PLS1: variants seen among roughly 807,000 people sequenced by gnomAD.
PLS1 encodes plastin 1.
A neutral mutation model predicts 73.7 loss-of-function variants in PLS1; 32 were observed. That is an observed-to-expected ratio of 0.43 (90% CI 0.33 to 0.58). The LOEUF is 0.58. Among genes scored for constraint, PLS1 ranks in the 20% least tolerant of loss-of-function variants. The probability of loss-of-function intolerance (pLI) is 0.04; values close to 1 mark genes in which losing one functional copy is unlikely to be tolerated. For synonymous variants in PLS1, 217 were observed against 261.3 expected (o/e 0.83, Z 1.63); for missense variants, 633 against 740.5 (o/e 0.85, Z 1.68).
intron 14 of PLS1, among the ~76,000 whole-genome samples, chr3:142,708,222 G>A (rs746607543): frequency 4.6e-5 from 7 of 151,924 alleles, no homozygotes; most frequent in Non-Finnish European, 1.0e-4. Context: ...CCACATCACT[G>A]TTTTTCCAGA....
At chr3:142,600,916 A>ATTTTTTTTTTTTTTTT (rs1170933037) in intron 1 of PLS1, among the ~76,000 whole-genome samples, 1 of 14,844 alleles carries the variant, frequency 6.7e-5, no homozygotes, top group Non-Finnish European at 1.1e-4. Flanking sequence ...ATATATATAT[A>ATTTTTTTTTTTTTTTT]TTTTTTTTTT....
chr3:142,630,712 C>G (rs2036539025), intron 1 of PLS1, among the ~76,000 whole-genome samples: 1 of 151,926 alleles, frequency 6.6e-6, no homozygotes, highest in African/African-American at 2.4e-5. Context: ...GATCATGCCA[C>G]TGCTCTCCAG....
intron 5 of PLS1, among the ~76,000 whole-genome samples, chr3:142,677,396 A>C (rs55951550): frequency 0.11 from 16,726 of 152,218 alleles, 938 homozygotes; most frequent in Non-Finnish European, 0.12. Flanking sequence ...CTGTAATCTC[A>C]GCACTTTGAG....
chr3:142,668,460 A>G (rs2037523710), intron 2 of PLS1, among the ~76,000 whole-genome samples: 1 of 152,234 alleles, frequency 6.6e-6, no homozygotes, highest in Non-Finnish European at 1.5e-5. Flanking sequence ...AACGTAGAAC[A>G]CAAATGCCTT....
At chr3:142,596,996 C>CA (rs1245928378) in intron 1 of PLS1, among the ~76,000 whole-genome samples, 2 of 152,102 alleles carry the variant, frequency 1.3e-5, no homozygotes, top group Non-Finnish European at 2.9e-5. Context: ...ATAAAAATGT[C>CA]AGTTTTCAGC....
intron 1 of PLS1, among the ~76,000 whole-genome samples, chr3:142,636,322 T>C (rs2036689681): frequency 6.6e-6 from 1 of 152,176 alleles, no homozygotes; most frequent in African/African-American, 2.4e-5. Context: ...TCAACAAAGA[T>C]GCAAATGCAA....
intron 10 of PLS1, among the ~76,000 whole-genome samples, chr3:142,693,675 G>A (rs889354962): frequency 6.6e-6 from 1 of 152,158 alleles, no homozygotes; most frequent in Non-Finnish European, 1.5e-5. Flanking sequence ...TGCTCACTTT[G>A]TGGTATACTA....
intron 1 of PLS1, among the ~76,000 whole-genome samples, chr3:142,603,471 A>G (rs988949945): frequency 1.3e-5 from 2 of 152,180 alleles, no homozygotes; most frequent in Admixed American, 1.3e-4. Flanking sequence ...TTTGTGAGCA[A>G]TTCACAGCTA....
At chr3:142,608,458 T>C (rs992213370) in intron 1 of PLS1, among the ~76,000 whole-genome samples, 2 of 152,218 alleles carry the variant, frequency 1.3e-5, no homozygotes, top group Admixed American at 6.5e-5. Context: ...ATTGAGTACT[T>C]CCACCTACAT....
chr3:142,644,484 C>T (rs142293605), intron 1 of PLS1, among the ~76,000 whole-genome samples: 63 of 152,122 alleles, frequency 4.1e-4, no homozygotes, highest in African/African-American at 1.4e-3. Context: ...AACTCCTGGG[C>T]TCAAGCGATA....
intron 12 of PLS1, among the ~76,000 whole-genome samples, chr3:142,702,338 A>G (rs2038348280): frequency 6.6e-6 from 1 of 152,232 alleles, no homozygotes; most frequent in East Asian, 1.9e-4. Context: ...AGTAAATTGA[A>G]CTTTGGGAAT....
chr3:142,704,880 G>A (rs1455429188), intron 14 of PLS1, among the ~76,000 whole-genome samples: 3 of 149,086 alleles, frequency 2.0e-5, no homozygotes, highest in South Asian at 2.1e-4. Context: ...GGATGGTCTC[G>A]CTCTCCTGAC....
At chr3:142,662,471 T>C (rs2037392873) in intron 1 of PLS1, among the ~76,000 whole-genome samples, 1 of 152,100 alleles carries the variant, frequency 6.6e-6, no homozygotes, top group Non-Finnish European at 1.5e-5. Context: ...ATGTAGATGG[T>C]GGGTTGATGG....
intron 14 of PLS1, among the ~76,000 whole-genome samples, chr3:142,707,466 A>G (rs1161145961): frequency 6.6e-6 from 1 of 152,198 alleles, no homozygotes; most frequent in Non-Finnish European, 1.5e-5. Flanking sequence ...CACATTGTTT[A>G]ATTTTCTAAA....
intron 11 of PLS1, among the ~76,000 whole-genome samples, chr3:142,696,720 AAATAATAAT>A (rs370809568): frequency 0.1 from 14,165 of 136,806 alleles, 882 homozygotes; most frequent in Non-Finnish European, 0.15. Flanking sequence ...TCTATTTGCA[AAATAATAAT>A]AATAATAATA....
At chr3:142,677,993 T>C in intron 5 of PLS1, 39 bp from the exon 6 acceptor site, 1 of 971,606 alleles carries the variant, frequency 1.0e-6, no homozygotes, top group Non-Finnish European at 1.6e-6. Context: ...AAAAAATTTC[T>C]TGGAGTATTA....
At chr3:142,620,674 C>T (rs947898416) in intron 1 of PLS1, among the ~76,000 whole-genome samples, 6 of 152,160 alleles carry the variant, frequency 3.9e-5, no homozygotes, top group African/African-American at 1.4e-4. Context: ...TTATTGAGTA[C>T]TTGTGATGGT....
At chr3:142,706,082 A>G (rs1349592993) in intron 14 of PLS1, among the ~76,000 whole-genome samples, 1 of 152,236 alleles carries the variant, frequency 6.6e-6, no homozygotes, top group Non-Finnish European at 1.5e-5. Flanking sequence ...TATAGAAAAT[A>G]TTAAACATGT....
At chr3:142,615,606 A>G (rs1196643351) in intron 1 of PLS1, among the ~76,000 whole-genome samples, 1 of 152,118 alleles carries the variant, frequency 6.6e-6, no homozygotes, top group African/African-American at 2.4e-5. Context: ...CCGTGTCCAA[A>G]TGGCCTTCCT....
Sources: allele counts gnomAD v4.1 joint callset (sites outside exome capture counted in the v4.1 genomes callset), GRCh38; gene constraint gnomAD v4.1.1; transcripts MANE v1.5; gene names NCBI Gene and HGNC (gene_info 2026-07-23, HGNC 2026-07-21).